Variants in TRPM3 observed in about 807,000 individuals in gnomAD.
TRPM3 encodes transient receptor potential cation channel subfamily M member 3.
A neutral mutation model predicts 181.2 loss-of-function variants in TRPM3; 77 were observed. The ratio of observed to expected loss-of-function variants is 0.42; its 90% CI spans 0.35 to 0.51. TRPM3 has a LOEUF of 0.51. Among genes scored for constraint, TRPM3 ranks in the 20% least tolerant of loss-of-function variants. The pLI, the probability that TRPM3 is intolerant of heterozygous loss-of-function variation, is 0.01. For synonymous variants in TRPM3, 745 were observed against 796.4 expected (o/e 0.94, Z 1.09); for missense variants, 1,759 against 2,196.7 (o/e 0.80, Z 3.98).
In TRPM3 at chr9:70,699,387, G is replaced by A. The variant is rs577368323; in HGVS notation, c.1273-17809C>T. Among the ~76,000 whole-genome samples, 4 of 152,306 alleles carry A rather than the reference G, an allele frequency of 2.6e-5. No homozygotes were observed. In the South Asian group the frequency reaches 8.3e-4, roughly 32 times the overall value. ...GGGGAGGTGCAGGAAGAAGAAAATG[G>A]TAAGAGAAAATAAGAGAAAAGTGAA... On this transcript the variant is annotated intron_variant, in intron 8 of 25. Coordinates refer to ENST00000677713, the MANE Select transcript of TRPM3 (RefSeq NM_001366145.2).
chr9:71,208,817 A>G (rs1260907404), intron 1 of TRPM3, among the ~76,000 whole-genome samples: 3 of 152,206 alleles, frequency 2.0e-5, no homozygotes, highest in Non-Finnish European at 4.4e-5. Flanking sequence ...TCAAGTTAAA[A>G]ATTGAGATGG....
intron 1 of TRPM3, among the ~76,000 whole-genome samples, chr9:71,336,989 T>C (rs112010338): frequency 0.036 from 5,400 of 152,072 alleles, 158 homozygotes; most frequent in Middle Eastern, 0.085. Flanking sequence ...AGATCTAAAA[T>C]GATAAAAACA....
At chr9:71,228,732 T>C (rs931569544) in intron 1 of TRPM3, among the ~76,000 whole-genome samples, 1 of 151,934 alleles carries the variant, frequency 6.6e-6, no homozygotes, top group African/African-American at 2.4e-5. Context: ...ACAAATAAAA[T>C]TAAATACCTA....
rs1279639093 is a variant in TRPM3, at chr9:70,827,973, T to C, written c.847A>G (p.Thr283Ala). 5 of 1,613,822 alleles carry C rather than the reference T, an allele frequency of 3.1e-6. No individual in the cohort carries two copies. Among genetic ancestry groups the C allele is most frequent in the Non-Finnish European group, 3.4e-6 (4 of 1,179,874 alleles). The change falls in exon 6 of 26, where the codon ACT becomes GCT. Residue 283 changes from threonine to alanine, a missense_variant. Coordinates refer to ENST00000677713, the MANE Select transcript of TRPM3 (RefSeq NM_001366145.2). ...TGGGAATGCATGCTGTTGAGAACAG[T>C]GAGCTTGCTCATGGGATTGGACATG... ...QTMSNPMSKLTVLNSMHSHFI... is the reference protein window; with the variant it reads ...QTMSNPMSKLAVLNSMHSHFI...
chr9:70,934,733 T>C (rs1158834483), intron 1 of TRPM3, among the ~76,000 whole-genome samples: 12 of 152,308 alleles, frequency 7.9e-5, no homozygotes, highest in Non-Finnish European at 4.4e-5. Context: ...AGGCTAAAAG[T>C]TGAATATCTT....
intron 20 of TRPM3, among the ~76,000 whole-genome samples, chr9:70,600,426 A>G (rs1200536791): frequency 6.6e-6 from 1 of 152,220 alleles, no homozygotes; most frequent in African/African-American, 2.4e-5. Context: ...TTCGTAAGTC[A>G]GGGCTGGGAC....
At chr9:71,016,993 A>G (rs2097790161) in intron 1 of TRPM3, among the ~76,000 whole-genome samples, 1 of 152,134 alleles carries the variant, frequency 6.6e-6, no homozygotes, top group Non-Finnish European at 1.5e-5. Flanking sequence ...GCTTGTATTT[A>G]TACTACAAAG....
chr9:70,998,128 T>C (rs2097559235), intron 1 of TRPM3, among the ~76,000 whole-genome samples: 1 of 108,306 alleles, frequency 9.2e-6, no homozygotes, highest in Non-Finnish European at 2.0e-5. Flanking sequence ...TGTTTATATA[T>C]ATACATATAT....
At chr9:70,569,533 T>C (rs1176402336) in intron 22 of TRPM3, among the ~76,000 whole-genome samples, 1 of 152,214 alleles carries the variant, frequency 6.6e-6, no homozygotes, top group Non-Finnish European at 1.5e-5. Flanking sequence ...CTGCTCTAAC[T>C]GGTCCCAGAT....
chr9:71,407,524 G>T (rs1007687271), intron 1 of TRPM3, among the ~76,000 whole-genome samples: 5 of 152,224 alleles, frequency 3.3e-5, no homozygotes, highest in Admixed American at 3.3e-4. Context: ...GAGGCTGGGG[G>T]ATGGGCATCT....
chr9:70,537,106 G>T lies in TRPM3; in HGVS notation c.4007C>A (p.Ser1336Tyr). The change falls in exon 26 of 26, where the codon TCC (serine) becomes TAC (tyrosine). Residue 1336 changes from serine to tyrosine, a missense_variant. Ser to Tyr is a moderately radical substitution (Grantham distance 144). This residue lies in a region of TRPM3 where 612 missense variants were observed against 590.0 expected (regional missense o/e 1.04). Transcript: ENST00000677713. ...SIDPAGEETM[S>Y]PTSPTLMPRM... ...GGGCATTAAGGTTGGAGAAGTTGGG[G>T]ACATGGTCTCCTCACCTGCAGGGTC... The T allele has an allele frequency of 1.2e-6, 2 of 1,609,042 alleles. No individual in the cohort carries two copies. The highest frequency in any genetic ancestry group is 1.7e-6 in the Non-Finnish European group (2 of 1,175,676).
At chr9:70,889,019 G>A (rs1368534495) in intron 1 of TRPM3, among the ~76,000 whole-genome samples, 1 of 152,198 alleles carries the variant, frequency 6.6e-6, no homozygotes, top group African/African-American at 2.4e-5. Context: ...AACATGAATG[G>A]ATGGGTAGTA....
At chr9:70,782,443 CT>C (rs1426922483) in intron 7 of TRPM3, among the ~76,000 whole-genome samples, 3 of 152,160 alleles carry the variant, frequency 2.0e-5, no homozygotes, top group African/African-American at 7.2e-5. Flanking sequence ...AACTCCTGAA[CT>C]CAAGTGATCC....
intron 1 of TRPM3, among the ~76,000 whole-genome samples, chr9:71,090,295 G>A (rs1353252205): frequency 6.6e-6 from 1 of 152,202 alleles, no homozygotes; most frequent in Non-Finnish European, 1.5e-5. Context: ...GGAATGGCAT[G>A]TGCCAAGGGA....
chr9:70,856,604 G>A (rs750814866), intron 3 of TRPM3, among the ~76,000 whole-genome samples: 4 of 152,092 alleles, frequency 2.6e-5, no homozygotes, highest in Non-Finnish European at 4.4e-5. Context: ...TATCTCCCCC[G>A]TAAATCCCCA....
At chr9:71,182,741 A>G (rs912148808) in intron 1 of TRPM3, among the ~76,000 whole-genome samples, 1 of 152,094 alleles carries the variant, frequency 6.6e-6, no homozygotes, top group South Asian at 2.1e-4. Context: ...GGCTCATTGC[A>G]ACCTCCAACG....
chr9:71,184,626 T>A (rs1258844069), intron 1 of TRPM3, among the ~76,000 whole-genome samples: 1 of 152,142 alleles, frequency 6.6e-6, no homozygotes, highest in Non-Finnish European at 1.5e-5. Flanking sequence ...CTGTGAAGTG[T>A]TAACCTAGAA....
chr9:71,268,858 CAAAG>C (rs1422165509), intron 1 of TRPM3, among the ~76,000 whole-genome samples: 4 of 151,820 alleles, frequency 2.6e-5, no homozygotes, highest in Non-Finnish European at 5.9e-5. Context: ...TTAAAAAAAA[CAAAG>C]AATCAGAGAA....
chr9:71,025,043 A>G (rs2097882653), intron 1 of TRPM3, among the ~76,000 whole-genome samples: 2 of 152,198 alleles, frequency 1.3e-5, no homozygotes, highest in South Asian at 4.1e-4. Context: ...GATTTACAAC[A>G]TACCATTGTA....
Sources: gnomAD v4.1 joint callset for allele counts (sites outside exome capture counted in the v4.1 genomes callset) on GRCh38, gnomAD v4.1.1 for gene constraint, gnomAD v4.1.1 regional missense constraint, MANE v1.5 for transcripts, NCBI Gene and HGNC (gene_info 2026-07-23, HGNC 2026-07-21) for gene names.